Variants in MS4A5 observed in about 807,000 individuals in gnomAD.
The protein encoded by MS4A5 is membrane-spanning 4-domains subfamily A member 5.
A neutral mutation model predicts 18.2 loss-of-function variants in MS4A5; 15 were observed. The observed-to-expected ratio is 0.83, with a 90% CI of 0.55 to 1.27. The LOEUF is 1.27. Among genes scored for constraint, MS4A5 ranks in the 50% most tolerant of loss-of-function variants. MS4A5 has a pLI of 0.00. For synonymous variants in MS4A5, 89 were observed against 78.7 expected (o/e 1.13, Z -0.69); for missense variants, 232 against 225.7 (o/e 1.03, Z -0.18).
intron 4 of MS4A5, among the ~76,000 whole-genome samples, chr11:60,443,250 C>A (rs1319057894): frequency 6.6e-6 from 1 of 151,986 alleles, no homozygotes; most frequent in Non-Finnish European, 1.5e-5. Context: ...GCTGAGCCTA[C>A]AAGCCTCAAC....
At position 60,430,805 on chromosome 11, in the gene MS4A5, A is replaced by G. The variant is rs1406092348; in HGVS notation, c.163A>G (p.Ile55Val). The change falls in exon 2 of 5, where the codon ATC becomes GTC. Residue 55 changes from isoleucine (I) to valine (V), a missense_variant. Coordinates refer to ENST00000300190, the MANE Select transcript of MS4A5 (RefSeq NM_023945.3). ...TTTCCTCTATTTGCAGACTATCCAGATCCTGTTTGGAATTATGACCTTTTC... is the reference window on the plus strand; with the variant it reads ...TTTCCTCTATTTGCAGACTATCCAGGTCCTGTTTGGAATTATGACCTTTTC... Reference protein sequence around the residue: ...RKMKILGTIQILFGIMTFSFG... With the variant: ...RKMKILGTIQVLFGIMTFSFG... 1.2e-6 allele frequency: 2 copies of G among 1,612,864 alleles called. No homozygotes were observed. The highest frequency in any genetic ancestry group is 1.7e-6 in the Non-Finnish European group (2 of 1,179,862).
At chr11:60,442,301 A>T (rs2086117347) in intron 4 of MS4A5, among the ~76,000 whole-genome samples, 1 of 152,254 alleles carries the variant, frequency 6.6e-6, no homozygotes, top group Admixed American at 6.5e-5. Flanking sequence ...TCCCATAGTT[A>T]TCACTTTTGC....
chr11:60,435,943 G>C (rs1435738223), intron 4 of MS4A5, among the ~76,000 whole-genome samples: 1 of 152,238 alleles, frequency 6.6e-6, no homozygotes, highest in Admixed American at 6.5e-5. Context: ...GCTCAAGGAG[G>C]CCTGCCTGCC....
chr11:60,432,780 A>AAAC (rs2086057900), intron 3 of MS4A5, among the ~76,000 whole-genome samples: 1 of 151,692 alleles, frequency 6.6e-6, no homozygotes, highest in African/African-American at 2.4e-5. Context: ...AAAAAAAAAA[A>AAAC]ACAAAAAAAA....
intron 4 of MS4A5, among the ~76,000 whole-genome samples, chr11:60,445,145 G>T (rs1278317592): frequency 6.6e-6 from 1 of 152,182 alleles, no homozygotes; most frequent in Non-Finnish European, 1.5e-5. Context: ...AATCAGAAGG[G>T]TGGTTGACTC....
chr11:60,436,485 G>C lies in MS4A5; in HGVS notation c.492+2568G>C, dbSNP rs542050226. 7.7e-3 allele frequency among the ~76,000 whole-genome samples: 1,058 copies of C among 136,708 alleles called. 73 individuals carry two copies. The highest frequency in any genetic ancestry group is 0.025 in the African/African-American group (1,014 of 40,298). The allele number at this position is 136,708 out of a possible 152,430, so 89.7% of individuals were successfully genotyped here. The stretch of plus-strand genomic sequence containing the variant: ...GATCAAATTACTCTGAGCTATGGGA[G>C]GACATTCAAACCAAAGGCAAAGAGG... On this transcript the variant is annotated intron_variant, in intron 4 of 4. Transcript: ENST00000300190.
chr11:60,447,022 ATATGCTATGC>A lies in MS4A5; in HGVS notation c.493-608_493-599del, dbSNP rs142168630. Among the ~76,000 whole-genome samples the A allele has an allele frequency of 1.5e-4, 22 of 148,570 alleles. No homozygotes were observed. In the South Asian group the frequency reaches 1.7e-3, roughly 11 times the overall value. On this transcript the variant is annotated intron_variant, in intron 4 of 4. Transcript: ENST00000300190. ...TTATATGCCTTTCTCTAAAAAGATA[ATATGCTATGC>A]TATGCTATGCTATGCTATCCCATGC...
At chr11:60,435,727 C>A (rs975896670) in intron 4 of MS4A5, among the ~76,000 whole-genome samples, 1 of 152,150 alleles carries the variant, frequency 6.6e-6, no homozygotes, top group African/African-American at 2.4e-5. Flanking sequence ...TTCCGACGGG[C>A]TTAAAAAACG....
intron 1 of MS4A5, 58 bp from the exon 2 acceptor site, chr11:60,430,738 A>G: frequency 2.5e-6 from 4 of 1,589,634 alleles, no homozygotes; most frequent in Non-Finnish European, 3.4e-6. Flanking sequence ...GATATTCTAA[A>G]CAGAAGGGAA....
At chr11:60,444,855 T>C (rs192092676) in intron 4 of MS4A5, among the ~76,000 whole-genome samples, 4 of 152,310 alleles carry the variant, frequency 2.6e-5, no homozygotes, top group Admixed American at 2.0e-4. Flanking sequence ...TGGAAAACTA[T>C]TGGGTGGTTT....
chr11:60,431,311 G>A (rs1220730469), intron 2 of MS4A5, among the ~76,000 whole-genome samples: 1 of 152,200 alleles, frequency 6.6e-6, no homozygotes, highest in Non-Finnish European at 1.5e-5. Flanking sequence ...AGAGGTGCAG[G>A]AAATGCTTAT....
At position 60,436,671 on chromosome 11, in the gene MS4A5, A is replaced by G. The variant is rs2086082436; in HGVS notation, c.492+2754A>G. 1.5e-5 allele frequency among the ~76,000 whole-genome samples: 2 copies of G among 134,628 alleles called. 1 individual carries two copies. The highest frequency in any genetic ancestry group is 3.3e-5 in the Non-Finnish European group (2 of 60,036). The allele number at this position is 134,628 out of a possible 152,430, so 88.3% of individuals were successfully genotyped here. A position where few individuals can be genotyped will look rare whatever the true frequency, so the allele number is the denominator to read the frequency against. On this transcript the variant is annotated intron_variant, in intron 4 of 4. Transcript: ENST00000300190. ...GCGATCAACTGGAAGAAAGGGTATC[A>G]GCGATGGAAGATGAAATGAATGAAA...
intron 4 of MS4A5, among the ~76,000 whole-genome samples, chr11:60,436,691 A>G (rs1424025292): frequency 7.4e-6 from 1 of 134,590 alleles, no homozygotes; most frequent in Non-Finnish European, 1.7e-5. Flanking sequence ...GATGAAATGA[A>G]TGAAATGAAG....
chr11:60,434,051 A>G (rs2086065749), intron 4 of MS4A5, 134 bp downstream of exon 4: 3 of 793,344 alleles, frequency 3.8e-6, no homozygotes, highest in Admixed American at 2.6e-5. Flanking sequence ...TATGAAATCC[A>G]TAATATTTGA....
At chr11:60,445,204 G>A (rs2086132648) in intron 4 of MS4A5, among the ~76,000 whole-genome samples, 1 of 152,064 alleles carries the variant, frequency 6.6e-6, no homozygotes, top group Admixed American at 6.6e-5. Context: ...AGAACCTACT[G>A]GGGTGATAAA....
intron 4 of MS4A5, among the ~76,000 whole-genome samples, chr11:60,437,430 T>C (rs963225451): frequency 7.3e-5 from 11 of 151,100 alleles, no homozygotes; most frequent in East Asian, 1.9e-4. Context: ...CAATATTAAC[T>C]TTAAATGTAA....
Position 60,440,540 on chromosome 11 carries a change from T to G in MS4A5, c.492+6623T>G, listed in dbSNP as rs954097622. ...GCAACCTACTCATCTGACAAAGGGC[T>G]AATATCTAGAATCTACAATGAACTC... On this transcript the variant is annotated intron_variant, in intron 4 of 4. Transcript: ENST00000300190. Among the ~76,000 whole-genome samples the G allele has an allele frequency of 7.2e-4, 97 of 133,858 alleles. 2 individuals are homozygous for G. Among genetic ancestry groups the G allele is most frequent in the African/African-American group, 2.6e-3 (94 of 36,800 alleles). The allele number at this position is 133,858 out of a possible 152,430, so 87.8% of individuals were successfully genotyped here. A position where few individuals can be genotyped will look rare whatever the true frequency, so the allele number is the denominator to read the frequency against.
chr11:60,431,660 T>C (rs2086049130), intron 2 of MS4A5, among the ~76,000 whole-genome samples: 1 of 151,922 alleles, frequency 6.6e-6, no homozygotes, highest in South Asian at 2.1e-4. Context: ...CTTGACCAAG[T>C]TTTAAAGGGT....
intron 4 of MS4A5, among the ~76,000 whole-genome samples, chr11:60,437,469 C>T (rs2135175027): frequency 6.6e-6 from 1 of 152,212 alleles, no homozygotes; most frequent in East Asian, 1.9e-4. Flanking sequence ...TTAATAGACA[C>T]AGACTGGCAA....
Sources: gnomAD v4.1 joint callset for allele counts (sites outside exome capture counted in the v4.1 genomes callset) on GRCh38, gnomAD v4.1.1 for gene constraint, MANE v1.5 for transcripts, NCBI Gene and HGNC (gene_info 2026-07-23, HGNC 2026-07-21) for gene names.